UBE2E2: variants seen among roughly 807,000 people sequenced by gnomAD.
The protein encoded by UBE2E2 is ubiquitin-conjugating enzyme E2 E2.
A neutral mutation model predicts 24.7 loss-of-function variants in UBE2E2; 6 were observed. The ratio of observed to expected loss-of-function variants is 0.24; its 90% CI spans 0.13 to 0.48. The LOEUF (loss-of-function observed/expected upper bound fraction) is 0.48, where lower values mean the gene tolerates loss of function less well. Among genes scored for constraint, UBE2E2 ranks in the 20% least tolerant of loss-of-function variants. The probability of loss-of-function intolerance (pLI) is 0.99; values close to 1 mark genes in which losing one functional copy is unlikely to be tolerated. For synonymous variants in UBE2E2, 104 were observed against 83.6 expected (o/e 1.24, Z -1.33); for missense variants, 169 against 245.0 (o/e 0.69, Z 2.07).
chr3:23,547,727 TACTTCTCTTCCTAAATAGG>T (rs1291845533), intron 5 of UBE2E2, among the ~76,000 whole-genome samples: 2 of 152,224 alleles, frequency 1.3e-5, no homozygotes, highest in African/African-American at 4.8e-5. Flanking sequence ...TCAAAGCTGA[TACTTCTCTTCCTAAATAGG>T]AGACATTCTT....
chr3:23,379,676 G>A lies in UBE2E2; in HGVS notation c.228-119932G>A, dbSNP rs145885505. Among the ~76,000 whole-genome samples, 99 of 152,114 alleles carry A rather than the reference G, an allele frequency of 6.5e-4. 5 individuals are homozygous for A. The East Asian group carries it at 0.016, about 24-fold the overall frequency. On this transcript the variant is annotated intron_variant, in intron 3 of 5. Transcript: ENST00000396703. ...ACATTTGGGTTGGTTCCAAGATTAT[G>A]TATTTATTGAGTTCTAATTTTCTCT...
chr3:23,478,249 C>T (rs754154436), intron 3 of UBE2E2, among the ~76,000 whole-genome samples: 1 of 152,188 alleles, frequency 6.6e-6, no homozygotes, highest in Non-Finnish European at 1.5e-5. Context: ...AGACACAGTG[C>T]CTGCCCTCAG....
chr3:23,400,664 A>G (rs574275255), intron 3 of UBE2E2, among the ~76,000 whole-genome samples: 52 of 150,640 alleles, frequency 3.5e-4, no homozygotes, highest in African/African-American at 1.2e-3. Flanking sequence ...TCAGTACTAT[A>G]ATTAAGTACA....
intron 5 of UBE2E2, among the ~76,000 whole-genome samples, chr3:23,535,202 C>T (rs1246757869): frequency 6.6e-6 from 1 of 152,128 alleles, no homozygotes; most frequent in Non-Finnish European, 1.5e-5. Context: ...TAGTACCAGC[C>T]CTGCCTAAAT....
chr3:23,207,726 C>T (rs1575469856), intron 1 of UBE2E2, among the ~76,000 whole-genome samples: 3 of 152,106 alleles, frequency 2.0e-5, no homozygotes, highest in African/African-American at 7.2e-5. Flanking sequence ...GTTGGCTAGT[C>T]GAGGTTTTTC....
chr3:23,417,810 G>A (rs1449869701), intron 3 of UBE2E2, among the ~76,000 whole-genome samples: 1 of 152,160 alleles, frequency 6.6e-6, no homozygotes, highest in Admixed American at 6.5e-5. Context: ...TGCAAGCTGT[G>A]GTGGGCCCTA....
intron 4 of UBE2E2, among the ~76,000 whole-genome samples, chr3:23,502,379 A>T (rs1280466189): frequency 6.6e-6 from 1 of 152,032 alleles, no homozygotes; most frequent in Non-Finnish European, 1.5e-5. Context: ...GGGCTATCTG[A>T]TGGTTATTTG....
intron 1 of UBE2E2, among the ~76,000 whole-genome samples, chr3:23,207,860 T>C (rs959947460): frequency 7.0e-4 from 106 of 152,240 alleles, no homozygotes; most frequent in African/African-American, 2.5e-3. Flanking sequence ...ATTTACCCTT[T>C]AAAAATGTAC....
rs1393532599 is a variant in UBE2E2, at chr3:23,203,427, GC to G, written c.-45del. ...TGGGCAGCTCTCTCCCAGGGCTTCGGCTCGAGCCTGCGACCTGCACGGACAC... is the reference window on the plus strand; with the variant it reads ...TGGGCAGCTCTCTCCCAGGGCTTCGGTCGAGCCTGCGACCTGCACGGACAC... On this transcript the variant is annotated 5_prime_UTR_variant, in exon 1 of 6. Coordinates refer to ENST00000396703, the MANE Select transcript of UBE2E2 (RefSeq NM_152653.4). 105 of 981,710 alleles carry G rather than the reference GC, an allele frequency of 1.1e-4. No individual in the cohort carries two copies. Among genetic ancestry groups the G allele is most frequent in the Non-Finnish European group, 1.3e-4 (104 of 829,114 alleles). 60.8% of individuals were successfully genotyped at this position (981,710 alleles called of 1,614,324 possible).
At chr3:23,319,165 G>A (rs1427516569) in intron 3 of UBE2E2, among the ~76,000 whole-genome samples, 1 of 152,162 alleles carries the variant, frequency 6.6e-6, no homozygotes, top group Non-Finnish European at 1.5e-5. Flanking sequence ...AATTGATCCT[G>A]TTAAGTGAAA....
chr3:23,554,409 G>T (rs545306188), intron 5 of UBE2E2, among the ~76,000 whole-genome samples: 31 of 152,196 alleles, frequency 2.0e-4, no homozygotes, highest in Non-Finnish European at 3.7e-4. Flanking sequence ...AAGCTACTTG[G>T]GTGGCTAAGG....
chr3:23,293,940 C>T (rs1398388933), intron 3 of UBE2E2, among the ~76,000 whole-genome samples: 2 of 152,152 alleles, frequency 1.3e-5, no homozygotes, highest in Non-Finnish European at 2.9e-5. Context: ...GCATAGCGAG[C>T]TCTTTGTCTC....
chr3:23,456,773 T>A (rs1324689281), intron 3 of UBE2E2, among the ~76,000 whole-genome samples: 2 of 152,184 alleles, frequency 1.3e-5, no homozygotes, highest in Non-Finnish European at 2.9e-5. Flanking sequence ...GATTTTTGGA[T>A]TAGTAAGTGA....
At chr3:23,461,748 G>A (rs1698808381) in intron 3 of UBE2E2, among the ~76,000 whole-genome samples, 1 of 152,186 alleles carries the variant, frequency 6.6e-6, no homozygotes, top group East Asian at 1.9e-4. Flanking sequence ...TGAACACAGT[G>A]TATTTCCCAG....
intron 3 of UBE2E2, among the ~76,000 whole-genome samples, chr3:23,320,311 C>T (rs530148657): frequency 6.6e-6 from 1 of 152,260 alleles, no homozygotes; most frequent in Non-Finnish European, 1.5e-5. Context: ...TTCTTCTTTC[C>T]TCTTATATAT....
chr3:23,481,493 A>G lies in UBE2E2; in HGVS notation c.228-18115A>G, dbSNP rs142674128. Among the ~76,000 whole-genome samples, 701 of 152,312 alleles carry G rather than the reference A, an allele frequency of 4.6e-3. 13 individuals are homozygous for G. Among genetic ancestry groups the G allele is most frequent in the Non-Finnish European group, 2.9e-3 (196 of 68,032 alleles). On this transcript the variant is annotated intron_variant, in intron 3 of 5. Transcript: ENST00000396703. ...ACGTCCTTTGCATTTGTTTCCATCT[A>G]TAAAGAGTACAATTAGCCTTTTTAA... is the stretch of plus-strand genomic sequence containing the variant.
intron 3 of UBE2E2, among the ~76,000 whole-genome samples, chr3:23,289,442 A>T (rs1480183113): frequency 6.6e-6 from 1 of 152,228 alleles, no homozygotes; most frequent in Non-Finnish European, 1.5e-5. Context: ...CATACCTTAT[A>T]ATGTAAAGAG....
intron 3 of UBE2E2, among the ~76,000 whole-genome samples, chr3:23,253,998 C>G (rs140682477): frequency 7.9e-5 from 12 of 152,206 alleles, no homozygotes; most frequent in African/African-American, 2.6e-4. Context: ...AAATTTAGTT[C>G]TAGCTCTCAA....
chr3:23,311,069 C>G (rs1420773342), intron 3 of UBE2E2, among the ~76,000 whole-genome samples: 2 of 152,158 alleles, frequency 1.3e-5, no homozygotes, highest in South Asian at 2.1e-4. Context: ...CAGGTGTTCT[C>G]ATTGTTCAGT....
Sources: gnomAD v4.1 joint callset for allele counts (sites outside exome capture counted in the v4.1 genomes callset) on GRCh38, gnomAD v4.1.1 for gene constraint, MANE v1.5 for transcripts, NCBI Gene and HGNC (gene_info 2026-07-23, HGNC 2026-07-21) for gene names.